PDZD2: variants seen among roughly 807,000 people sequenced by gnomAD.
The protein encoded by PDZD2 is PDZ domain-containing protein 2.
PDZD2 carries 90 observed loss-of-function variants against 220.7 expected under a neutral mutation model. The ratio of observed to expected loss-of-function variants is 0.41; its 90% CI spans 0.34 to 0.49. The LOEUF (loss-of-function observed/expected upper bound fraction) is 0.49. Ranked by LOEUF, PDZD2 falls within the 20% of genes least tolerant of loss-of-function variation. The probability of loss-of-function intolerance (pLI) is 0.28; values close to 1 mark genes in which losing one functional copy is unlikely to be tolerated. For synonymous variants in PDZD2, 1,375 were observed against 1,450.5 expected, an observed-to-expected ratio of 0.95 and a Z score of 1.18; for missense variants, 3,174 against 3,608.5, an observed-to-expected ratio of 0.88 and a Z score of 3.08.
intron 2 of PDZD2, among the ~76,000 whole-genome samples, chr5:31,856,965 G>C (rs1050712821): frequency 6.7e-6 from 1 of 150,330 alleles, no homozygotes; most frequent in Non-Finnish European, 1.5e-5. Context: ...TGTCTACAAG[G>C]CTTATAACTA....
chr5:31,986,776 T>C (rs1400645919), intron 3 of PDZD2, among the ~76,000 whole-genome samples: 1 of 152,192 alleles, frequency 6.6e-6, no homozygotes, highest in African/African-American at 2.4e-5. Flanking sequence ...ACAAAAGAGC[T>C]CATAATCATT....
intron 10 of PDZD2, among the ~76,000 whole-genome samples, chr5:32,055,217 T>G (rs1219885486): frequency 6.6e-6 from 1 of 152,144 alleles, no homozygotes; most frequent in Non-Finnish European, 1.5e-5. Context: ...TATTGTACTT[T>G]AAGAGGCAGG....
intron 2 of PDZD2, among the ~76,000 whole-genome samples, chr5:31,954,283 C>T (rs1005145361): frequency 3.9e-5 from 6 of 152,092 alleles, no homozygotes; most frequent in African/African-American, 1.4e-4. Flanking sequence ...ACGTTCTTGC[C>T]GTAGTACATA....
intron 2 of PDZD2, among the ~76,000 whole-genome samples, chr5:31,885,034 A>G (rs1321781770): frequency 6.6e-6 from 1 of 152,174 alleles, no homozygotes; most frequent in East Asian, 1.9e-4. Context: ...AGAAACGTAC[A>G]AAACAGAATA....
intron 2 of PDZD2, among the ~76,000 whole-genome samples, chr5:31,942,973 CG>C (rs1279907475): frequency 6.6e-6 from 1 of 152,158 alleles, no homozygotes; most frequent in Non-Finnish European, 1.5e-5. Flanking sequence ...GAGCCCAAGG[CG>C]GGTGGATCAC....
At chr5:31,951,651 G>A (rs1227685803) in intron 2 of PDZD2, among the ~76,000 whole-genome samples, 1 of 152,140 alleles carries the variant, frequency 6.6e-6, no homozygotes, top group Non-Finnish European at 1.5e-5. Flanking sequence ...TTGTATACAT[G>A]TGCCACAGTT....
intron 2 of PDZD2, among the ~76,000 whole-genome samples, chr5:31,845,442 T>G (rs534805941): frequency 1.3e-5 from 2 of 152,312 alleles, no homozygotes; most frequent in African/African-American, 4.8e-5. Context: ...AGAGGTGTGA[T>G]GTGAACCAAG....
In PDZD2 at chr5:32,029,254, C is replaced by G. The variant is rs571885206; in HGVS notation, c.1408-7977C>G. Among the ~76,000 whole-genome samples, 539 of 145,850 alleles carry G rather than the reference C, an allele frequency of 3.7e-3. 4 individuals carry two copies. The highest frequency in any genetic ancestry group is 0.013 in the African/African-American group (525 of 39,454). On this transcript the variant is annotated intron_variant, in intron 6 of 24. Transcript: ENST00000438447. ...TAGAAAGATGACCCAAACCCCAGTC[C>G]CTAGACAGTTGTCCTAGGCAAGATT... is the stretch of plus-strand genomic sequence containing the variant.
intron 1 of PDZD2, among the ~76,000 whole-genome samples, chr5:31,701,815 A>C (rs913289731): frequency 1.1e-4 from 16 of 152,216 alleles, no homozygotes; most frequent in African/African-American, 3.9e-4. Context: ...ACACGAGAAT[A>C]GTTTCCAGTC....
rs571804874 is a variant in PDZD2, at chr5:31,706,030, C to T, written c.-361+66593C>T. Among the ~76,000 whole-genome samples, 56 of 151,732 alleles carry T rather than the reference C, an allele frequency of 3.7e-4. No individual in the cohort carries two copies. The South Asian group carries it at 0.012, about 32-fold the overall frequency. ...TTATACCACTGTACTTCAGCCTGGG[C>T]CACAGAGCGAGACTCCATCTCAAAA... On this transcript the variant is annotated intron_variant, in intron 1 of 24. Coordinates refer to ENST00000438447, the MANE Select transcript of PDZD2 (RefSeq NM_178140.4).
At chr5:31,853,445 C>G (rs1758177874) in intron 2 of PDZD2, among the ~76,000 whole-genome samples, 1 of 152,150 alleles carries the variant, frequency 6.6e-6, no homozygotes, top group African/African-American at 2.4e-5. Flanking sequence ...CACTCCTTGC[C>G]TGTTTCTGGG....
chr5:31,759,162 C>T (rs1751481481), intron 1 of PDZD2, among the ~76,000 whole-genome samples: 3 of 152,148 alleles, frequency 2.0e-5, no homozygotes, highest in Admixed American at 2.0e-4. Context: ...CACCTCCTCC[C>T]ATTGTTGTTA....
At chr5:31,985,354 T>C (rs1302697966) in intron 3 of PDZD2, among the ~76,000 whole-genome samples, 2 of 152,146 alleles carry the variant, frequency 1.3e-5, no homozygotes, top group African/African-American at 4.8e-5. Flanking sequence ...GTCCCAAGAA[T>C]AGGCCTTCAT....
chr5:31,929,253 G>A (rs1172517269), intron 2 of PDZD2, among the ~76,000 whole-genome samples: 1 of 152,162 alleles, frequency 6.6e-6, no homozygotes, highest in African/African-American at 2.4e-5. Context: ...CCCCCTGTCA[G>A]CATTTATGCT....
At position 32,058,058 on chromosome 5, in the gene PDZD2, C is replaced by T. The variant is rs201153039; in HGVS notation, c.2155C>T (p.Pro719Ser). The T allele has an allele frequency of 1.2e-6, 2 of 1,611,028 alleles. No homozygotes were observed. The highest frequency in any genetic ancestry group is 1.7e-6 in the Non-Finnish European group (2 of 1,177,304). ...GSSSSLGRKTPGPKDRIVMEV... is the reference protein window; with the variant it reads ...GSSSSLGRKTSGPKDRIVMEV... ...TTCTTCATCCCTGGGTCGGAAGACC[C>T]CTGGGCCCAAGGACAGGATCGTCAT... is the stretch of plus-strand genomic sequence containing the variant. The change falls in exon 12 of 25, where the codon CCT (proline) becomes TCT (serine). Residue 719 changes from proline to serine, a missense_variant. Transcript: ENST00000438447.
At chr5:31,883,094 C>G (rs1401374706) in intron 2 of PDZD2, among the ~76,000 whole-genome samples, 4 of 149,284 alleles carry the variant, frequency 2.7e-5, no homozygotes, top group Non-Finnish European at 5.9e-5. Context: ...ATTCCCTGCT[C>G]TCAGGGAGCT....
intron 20 of PDZD2, among the ~76,000 whole-genome samples, chr5:32,091,432 G>GCAC (rs1185518882): frequency 2.0e-5 from 3 of 151,688 alleles, no homozygotes; most frequent in Admixed American, 2.0e-4. Context: ...TTACAGGCGT[G>GCAC]CACCACCACA....
chr5:31,995,765 C>T (rs1489874353), intron 4 of PDZD2, 47 bp downstream of exon 4: 1 of 1,541,758 alleles, frequency 6.5e-7, no homozygotes, highest in South Asian at 1.1e-5. Flanking sequence ...GCCTCCTCTC[C>T]TTCCCTCTCC....
intron 1 of PDZD2, among the ~76,000 whole-genome samples, chr5:31,751,256 A>AAAAG: frequency 8.3e-6 from 1 of 120,724 alleles, no homozygotes; most frequent in South Asian, 2.5e-4. Context: ...AAAAAAAAAA[A>AAAAG]AGAGAGTGGC....
Sources: allele counts gnomAD v4.1 joint callset (sites outside exome capture counted in the v4.1 genomes callset), GRCh38; gene constraint gnomAD v4.1.1; transcripts MANE v1.5; gene names NCBI Gene and HGNC (gene_info 2026-07-23, HGNC 2026-07-21).